The following CFAP61 variants were observed in gnomAD, a reference collection of about 807,000 sequenced individuals.
CFAP61 encodes cilia- and flagella-associated protein 61.
A neutral mutation model predicts 135.6 loss-of-function variants in CFAP61; 107 were observed. That is an observed-to-expected ratio of 0.79 (90% confidence interval 0.67 to 0.93). The LOEUF is 0.93. Among genes scored for constraint, CFAP61 ranks in the 40% least tolerant of loss-of-function variants. The probability of loss-of-function intolerance (pLI) is 0.00; values close to 1 mark genes in which losing one functional copy is unlikely to be tolerated. For synonymous variants in CFAP61, 575 were observed against 578.5 expected (o/e 0.99, Z 0.09); for missense variants, 1,507 against 1,556.2 (o/e 0.97, Z 0.53).
chr20:20,233,613 A>C (rs2049336452), intron 18 of CFAP61, among the ~76,000 whole-genome samples: 1 of 152,214 alleles, frequency 6.6e-6, no homozygotes, highest in African/African-American at 2.4e-5. Context: ...TCAGAGTCTC[A>C]GTCTCCCCAG....
At chr20:20,168,316 G>A (rs1029631711) in intron 12 of CFAP61, among the ~76,000 whole-genome samples, 5 of 152,096 alleles carry the variant, frequency 3.3e-5, no homozygotes, top group Non-Finnish European at 7.4e-5. Flanking sequence ...TCCCATCTCG[G>A]CCTCCCAAAG....
intron 13 of CFAP61, among the ~76,000 whole-genome samples, chr20:20,178,493 G>T (rs914510755): frequency 3.3e-5 from 5 of 152,160 alleles, no homozygotes; most frequent in Non-Finnish European, 7.3e-5. Flanking sequence ...CCTTTCACAT[G>T]ATGCTTTTCT....
At chr20:20,089,451 A>G (rs1490212999) in intron 6 of CFAP61, among the ~76,000 whole-genome samples, 5 of 152,120 alleles carry the variant, frequency 3.3e-5, no homozygotes, top group Non-Finnish European at 5.9e-5. Flanking sequence ...AAGAGAACAT[A>G]CTAGAAGATA....
intron 8 of CFAP61, among the ~76,000 whole-genome samples, chr20:20,108,902 C>T (rs2146664282): frequency 6.6e-6 from 1 of 152,258 alleles, no homozygotes; most frequent in East Asian, 1.9e-4. Flanking sequence ...ATCCACAATC[C>T]AAAGACACCA....
intron 20 of CFAP61, among the ~76,000 whole-genome samples, chr20:20,255,703 T>C (rs866693708): frequency 2.6e-5 from 4 of 152,290 alleles, no homozygotes; most frequent in South Asian, 2.1e-4. Context: ...ACCTACTATA[T>C]AGAGATCTCA....
At chr20:20,126,443 G>T (rs2050070822) in intron 8 of CFAP61, among the ~76,000 whole-genome samples, 1 of 151,776 alleles carries the variant, frequency 6.6e-6, no homozygotes, top group African/African-American at 2.4e-5. Context: ...TCGTTTGTCT[G>T]AAAAAGACTG....
chr20:20,348,276 C>G (rs1367766750), intron 26 of CFAP61, among the ~76,000 whole-genome samples: 2 of 152,082 alleles, frequency 1.3e-5, no homozygotes, highest in Admixed American at 6.6e-5. Context: ...AGATTATTAG[C>G]AAGCCAAATC....
chr20:20,150,037 A>G (rs969717278), intron 9 of CFAP61, among the ~76,000 whole-genome samples: 3 of 152,182 alleles, frequency 2.0e-5, no homozygotes, highest in African/African-American at 7.2e-5. Flanking sequence ...CGCTCTTAGC[A>G]GAGCATGGCA....
At chr20:20,358,948 G>A (rs1407523637) in intron 26 of CFAP61, among the ~76,000 whole-genome samples, 1 of 152,222 alleles carries the variant, frequency 6.6e-6, no homozygotes, top group Non-Finnish European at 1.5e-5. Flanking sequence ...GAATCACAGT[G>A]TTTGGAAAGC....
chr20:20,130,435 G>A (rs1191729323), intron 8 of CFAP61, among the ~76,000 whole-genome samples: 1 of 151,814 alleles, frequency 6.6e-6, no homozygotes, highest in Admixed American at 6.6e-5. Flanking sequence ...CATGTTTCCT[G>A]ATGTTTCTTG....
At chr20:20,228,662 G>A (rs2048912585) in intron 18 of CFAP61, 2 of 260,608 alleles carry the variant, frequency 7.7e-6, no homozygotes, top group Non-Finnish European at 1.5e-5. Flanking sequence ...TGCTACAATA[G>A]CAGATTAGAT....
rs1201152599 is a variant in CFAP61 at position 20,118,253 on chromosome 20, G to GTTCCTTTCTTTCTTTC, written c.859+19441_859+19442insCCTTTCTTTCTTTCTT. 3.2e-3 allele frequency among the ~76,000 whole-genome samples: 440 copies of GTTCCTTTCTTTCTTTC among 138,608 alleles called. 7 individuals carry two copies. The highest frequency in any genetic ancestry group is 0.03 in the East Asian group (142 of 4,746). The allele number at this position is 138,608 out of a possible 152,430, so 90.9% of individuals were successfully genotyped here. A position where few individuals can be genotyped will look rare whatever the true frequency, so the allele number is the denominator to read the frequency against. On this transcript the variant is annotated intron_variant, in intron 8 of 26. Transcript: ENST00000245957. The stretch of plus-strand genomic sequence containing the variant: ...TATGGTCTTCATTATTTTGAGGTAT[G>GTTCCTTTCTTTCTTTC]TTTCTTTCTTTCTTTCTTTCTTTCT...
At chr20:20,208,583 C>G (rs1183171441) in intron 17 of CFAP61, among the ~76,000 whole-genome samples, 1 of 152,134 alleles carries the variant, frequency 6.6e-6, no homozygotes, top group East Asian at 1.9e-4. Flanking sequence ...TTTCTTTAGC[C>G]TATTAGTGTC....
chr20:20,281,744 G>A (rs1424116294), intron 22 of CFAP61, among the ~76,000 whole-genome samples: 1 of 152,112 alleles, frequency 6.6e-6, no homozygotes, highest in African/African-American at 2.4e-5. Context: ...TCCTTGTAAG[G>A]TTTTGGTGTT....
intron 19 of CFAP61, among the ~76,000 whole-genome samples, chr20:20,247,323 G>T (rs189058090): frequency 6.6e-6 from 1 of 152,180 alleles, no homozygotes; most frequent in Non-Finnish European, 1.5e-5. Flanking sequence ...ATCCCATGTT[G>T]CGTGTGTTTC....
At position 20,056,702 on chromosome 20, in the gene CFAP61, C is replaced by T. The variant is rs2044364420; in HGVS notation, c.49C>T (p.Arg17Ter). 6.2e-7 allele frequency: 1 copy of T among 1,613,928 alleles called. No homozygotes were observed. The highest frequency in any genetic ancestry group is 1.1e-5 in the South Asian group (1 of 91,078). ...AGGAAAGGTAGAAGTTGTTCATTGC[C>T]GAAGAACAGAATCACAGGATGTTTA... The part of the protein sequence containing the change: ...PRGKVEVVHC[R>*]RTESQDVYCI... The change falls in exon 2 of 27, where the codon CGA becomes TGA. Residue 17 changes from arginine to a stop codon, truncating the protein, a stop_gained. Coordinates refer to ENST00000245957, the MANE Select transcript of CFAP61 (RefSeq NM_015585.4). LOFTEE classifies it high-confidence loss of function.
rs563942822 is a variant in CFAP61, at chr20:20,142,858, T to A, written c.861T>A (p.Asp287Glu). The A allele has an allele frequency of 6.3e-7, 1 of 1,586,092 alleles. No homozygotes were observed. Among genetic ancestry groups the A allele is most frequent in the Admixed American group, 1.7e-5 (1 of 58,928 alleles). Reference sequence around the variant, plus strand: ...ATTATTCTATCCCTTCTCTCAAAGATGCTGAGCTCAGGAGTAGCAGCCAAG... The same window carrying A: ...ATTATTCTATCCCTTCTCTCAAAGAAGCTGAGCTCAGGAGTAGCAGCCAAG... ...PQDLSVRRSQ[D>E]AELRSSSQGS... Residue 287 changes from aspartate (D) to glutamate (E), a missense_variant and splice_region_variant, in exon 9 of 27, where the codon GAT becomes GAA. Transcript: ENST00000245957.
In CFAP61 at chr20:20,159,424, G is replaced by A. The variant is rs777870068; in HGVS notation, c.1006G>A (p.Gly336Arg). 1 of 1,613,920 alleles carries A rather than the reference G, an allele frequency of 6.2e-7. No individual in the cohort carries two copies. The highest frequency in any genetic ancestry group is 1.7e-5 in the Admixed American group (1 of 60,022). The change falls in exon 10 of 27, where the codon GGA becomes AGA. Residue 336 changes from glycine to arginine, a missense_variant. Coordinates refer to ENST00000245957, the MANE Select transcript of CFAP61 (RefSeq NM_015585.4). Reference sequence around the variant, plus strand: ...GGAAGCTTTAACAGCAGTCCAAAGTGGAAATGTTAGTGAACCGGAGGTAGG... The same window carrying A: ...GGAAGCTTTAACAGCAGTCCAAAGTAGAAATGTTAGTGAACCGGAGGTAGG... ...SEEALTAVQS[G>R]NVSEPEDIEK...
At chr20:20,179,551 C>T (rs188555680) in intron 13 of CFAP61, among the ~76,000 whole-genome samples, 12 of 152,144 alleles carry the variant, frequency 7.9e-5, no homozygotes, top group Non-Finnish European at 1.3e-4. Context: ...CATATGGACC[C>T]GAGAAAGAGC....
Sources: gnomAD v4.1 joint callset for allele counts (sites outside exome capture counted in the v4.1 genomes callset) on GRCh38, gnomAD v4.1.1 for gene constraint, MANE v1.5 for transcripts, NCBI Gene and HGNC (gene_info 2026-07-23, HGNC 2026-07-21) for gene names.